Variants in MRPL37 observed in about 807,000 individuals in gnomAD.
The protein encoded by MRPL37 is large ribosomal subunit protein mL37.
A neutral mutation model predicts 44.1 loss-of-function variants in MRPL37; 34 were observed. The observed-to-expected ratio is 0.77, with a 90% CI of 0.59 to 1.03. The LOEUF (loss-of-function observed/expected upper bound fraction) is 1.03, where lower values mean the gene tolerates loss of function less well. Among genes scored for constraint, MRPL37 ranks in the 50% least tolerant of loss-of-function variants. MRPL37 has a pLI of 0.00. For synonymous variants in MRPL37, 212 were observed against 219.5 expected (o/e 0.97, Z 0.30); for missense variants, 532 against 543.7 (o/e 0.98, Z 0.21).
At chr1:54,211,115 C>T (rs1252024286) in intron 4 of MRPL37, among the ~76,000 whole-genome samples, 1 of 152,130 alleles carries the variant, frequency 6.6e-6, no homozygotes, top group Non-Finnish European at 1.5e-5. Flanking sequence ...TTTTGGTCTT[C>T]AGCTTGCTAA....
downstream of MRPL37, among the ~76,000 whole-genome samples, chr1:54,221,445 T>C (rs1357859936): frequency 6.6e-6 from 1 of 152,184 alleles, no homozygotes; most frequent in Non-Finnish European, 1.5e-5. Flanking sequence ...GCTTCACTGC[T>C]GGAAGACCCC....
At chr1:54,208,621 C>T (rs1163450277) in intron 3 of MRPL37, among the ~76,000 whole-genome samples, 5 of 149,990 alleles carry the variant, frequency 3.3e-5, no homozygotes, top group African/African-American at 1.2e-4. Context: ...TCCATCACTT[C>T]TTCCCTGCTG....
chr1:54,217,119 G>A (rs139914528), intron 6 of MRPL37, among the ~76,000 whole-genome samples: 6 of 152,172 alleles, frequency 3.9e-5, no homozygotes, highest in African/African-American at 9.7e-5. Context: ...CTGCGAAAGC[G>A]GAGTAGGGGT....
intron 5 of MRPL37, among the ~76,000 whole-genome samples, chr1:54,215,539 G>C (rs553173185): frequency 6.6e-6 from 1 of 152,168 alleles, no homozygotes; most frequent in South Asian, 2.1e-4. Context: ...GAGTTGCAGC[G>C]TCAGCATGAA....
chr1:54,212,092 A>G (rs954073217), intron 4 of MRPL37, among the ~76,000 whole-genome samples: 11 of 152,246 alleles, frequency 7.2e-5, no homozygotes, highest in Admixed American at 3.9e-4. Context: ...TTCTCCTAAC[A>G]TCACTGTCAT....
intron 3 of MRPL37, among the ~76,000 whole-genome samples, chr1:54,208,955 CAA>C (rs1644144500): frequency 6.6e-6 from 1 of 152,112 alleles, no homozygotes; most frequent in Non-Finnish European, 1.5e-5. Flanking sequence ...CCCACTCCGC[CAA>C]AGAGTTATCT....
In MRPL37 at chr1:54,200,425, CG is replaced by C. The variant is rs1557729467; in HGVS notation, c.186del (p.Lys63ArgfsTer55). 1 of 1,614,254 alleles carries C rather than the reference CG, an allele frequency of 6.2e-7. No homozygotes were observed. The highest frequency in any genetic ancestry group is 1.1e-5 in the South Asian group (1 of 91,088). ...EIPGLEPITF[A>X]GKMHFVPWLA... ...CCTGGACTGGAGCCCATCACCTTTG[CG>C]GGGAAGATGCACTTCGTGCCCTGGC... On this transcript the variant is annotated frameshift_variant, in exon 1 of 7. Coordinates refer to ENST00000360840, the MANE Select transcript of MRPL37 (RefSeq NM_016491.4). LOFTEE classifies it high-confidence loss of function.
chr1:54,211,801 G>A (rs1369804001), intron 4 of MRPL37, among the ~76,000 whole-genome samples: 6 of 152,212 alleles, frequency 3.9e-5, no homozygotes, highest in Admixed American at 6.5e-5. Flanking sequence ...CCTTCCCGAC[G>A]TCTTTCTTTC....
At chr1:54,216,558 T>C (rs12079108) in intron 6 of MRPL37, among the ~76,000 whole-genome samples, 2,719 of 152,232 alleles carry the variant, frequency 0.018, 71 homozygotes, top group African/African-American at 0.062. Context: ...CTTTGCACCC[T>C]CCAGCCAATC....
intron 5 of MRPL37, 134 bp from the exon 6 acceptor site, chr1:54,216,007 A>T: frequency 1.1e-6 from 1 of 924,500 alleles, no homozygotes; most frequent in Non-Finnish European, 1.7e-6. Context: ...TTCTATTTTA[A>T]TTGTCCCAAA....
At chr1:54,202,568 C>G (rs1644092740) in intron 1 of MRPL37, among the ~76,000 whole-genome samples, 1 of 152,010 alleles carries the variant, frequency 6.6e-6, no homozygotes, top group Non-Finnish European at 1.5e-5. Context: ...TGCAGTGGCA[C>G]AATCTCACTG....
At chr1:54,205,460 C>T (rs1216935238) in intron 3 of MRPL37, 50 bp downstream of exon 3, 1 of 1,467,012 alleles carries the variant, frequency 6.8e-7, no homozygotes, top group East Asian at 2.3e-5. Context: ...TTTTGCCTTT[C>T]TACTCTTAAC....
chr1:54,212,530 C>T lies in MRPL37; in HGVS notation c.862C>T (p.Pro288Ser), dbSNP rs549747478. Residue 288 changes from proline to serine, a missense_variant, in exon 5 of 7, where the codon CCC becomes TCC. Pro to Ser is a moderately conservative substitution (Grantham distance 74). Transcript: ENST00000360840. ...CCAGGAAGGCTATCCTTACCCCTAT[C>T]CCCATACCCTGTACTTACTGGACAA... ...GFQEGYPYPY[P>S]HTLYLLDKAN... 33 of 1,614,180 alleles carry T rather than the reference C, an allele frequency of 2.0e-5. No homozygotes were observed. In the South Asian group the frequency reaches 3.3e-4, roughly 16 times the overall value.
At chr1:54,221,644 A>G (rs1644234691), downstream of MRPL37, among the ~76,000 whole-genome samples, 1 of 152,278 alleles carries the variant, frequency 6.6e-6, no homozygotes, top group South Asian at 2.1e-4. Context: ...ATACAGGCAC[A>G]TCACACTCCC....
downstream of MRPL37, chr1:54,225,276 C>A: frequency 8.1e-7 from 1 of 1,234,294 alleles, no homozygotes; most frequent in Non-Finnish European, 1.0e-6. Flanking sequence ...CACAAGAACA[C>A]AGAATTTGCA....
intron 5 of MRPL37, among the ~76,000 whole-genome samples, chr1:54,213,550 G>C (rs35219616): frequency 0.012 from 1,889 of 151,930 alleles, 40 homozygotes; most frequent in African/African-American, 0.043. Context: ...ATTTATTTAG[G>C]GTTTTTATTA....
chr1:54,222,873 C>T (rs1039764644), downstream of MRPL37, among the ~76,000 whole-genome samples: 1 of 152,200 alleles, frequency 6.6e-6, no homozygotes, highest in Non-Finnish European at 1.5e-5. Context: ...GCATCTCTGT[C>T]CTTCCGTGTC....
chr1:54,220,802 G>T (rs146029834), downstream of MRPL37: 1,034 of 471,298 alleles, frequency 2.2e-3, 14 homozygotes, highest in African/African-American at 0.018. Context: ...GCCGGGTCAT[G>T]CTGGATAGCG....
chr1:54,216,176 G>T lies in MRPL37; in HGVS notation c.1026G>T (p.Val342=), dbSNP rs1644195976. 6.2e-7 allele frequency: 1 copy of T among 1,614,238 alleles called. No individual in the cohort carries two copies. Among genetic ancestry groups the T allele is most frequent in the East Asian group, 2.2e-5 (1 of 44,888 alleles). Residue 342 remains valine (V), a synonymous_variant, in exon 6 of 7, where the codon GTG becomes GTT. Coordinates refer to ENST00000360840, the MANE Select transcript of MRPL37 (RefSeq NM_016491.4). ...DAKVLEQPVV[V]QSVGTDGRVF... ...AGGTCTTGGAGCAGCCCGTGGTGGT[G>T]CAGAGCGTGGGCACGGATGGACGTG...
Sources: gnomAD v4.1 joint callset for allele counts (sites outside exome capture counted in the v4.1 genomes callset) on GRCh38, gnomAD v4.1.1 for gene constraint, MANE v1.5 for transcripts, NCBI Gene and HGNC (gene_info 2026-07-23, HGNC 2026-07-21) for gene names.